Variants in WNT11 observed in about 807,000 individuals in gnomAD.
WNT11 encodes the protein Wnt family member 11.
In WNT11, 20 loss-of-function variants were observed where a neutral mutation model predicts 35.6. The observed-to-expected ratio is 0.56, with a 90% CI of 0.40 to 0.82. The LOEUF is 0.82. Among genes scored for constraint, WNT11 ranks in the 40% least tolerant of loss-of-function variants. The probability of loss-of-function intolerance (pLI) is 0.00; values close to 1 mark genes in which losing one functional copy is unlikely to be tolerated. For synonymous variants in WNT11, 200 were observed against 211.9 expected (o/e 0.94, Z 0.49); for missense variants, 459 against 504.4 (o/e 0.91, Z 0.86).
intron 1 of WNT11, among the ~76,000 whole-genome samples, chr11:76,206,051 C>G (rs1953466879): frequency 2.0e-5 from 3 of 152,234 alleles, no homozygotes; most frequent in Admixed American, 6.5e-5. Flanking sequence ...CGGAGGTGGC[C>G]AGAAACTCCG....
chr11:76,191,895 C>T (rs1242676086), intron 3 of WNT11, 39 bp from the exon 4 acceptor site: 3 of 1,571,234 alleles, frequency 1.9e-6, no homozygotes, highest in South Asian at 2.3e-5. Flanking sequence ...TGGCCAGAGT[C>T]CCCTCCCTGG....
chr11:76,200,393 CCA>C (rs1953356533), intron 1 of WNT11, among the ~76,000 whole-genome samples: 1 of 152,214 alleles, frequency 6.6e-6, no homozygotes, highest in South Asian at 2.1e-4. Flanking sequence ...TGGGCTCTGA[CCA>C]CACAGAGGCA....
At chr11:76,207,258 G>T (rs1304693330), upstream of WNT11, among the ~76,000 whole-genome samples, 1 of 152,206 alleles carries the variant, frequency 6.6e-6, no homozygotes, top group East Asian at 1.9e-4. Flanking sequence ...AGCTACTCGG[G>T]AGGCTGAGGC....
upstream of WNT11, chr11:76,210,687 T>C (rs1953559848): frequency 3.0e-6 from 3 of 984,618 alleles, no homozygotes; most frequent in Non-Finnish European, 1.2e-6. Context: ...CTCCGGCTGC[T>C]CTCTGCTGCG....
At chr11:76,187,869 A>G (rs993343446) in intron 4 of WNT11, among the ~76,000 whole-genome samples, 2 of 151,170 alleles carry the variant, frequency 1.3e-5, no homozygotes, top group Non-Finnish European at 3.0e-5. Context: ...TAATAAGCCT[A>G]TCTTTATGTG....
At chr11:76,200,714 G>A (rs865871639) in intron 1 of WNT11, among the ~76,000 whole-genome samples, 2 of 152,224 alleles carry the variant, frequency 1.3e-5, no homozygotes, top group Admixed American at 6.5e-5. Context: ...TGCTCTGAGC[G>A]GTCCCCACCC....
Position 76,188,351 on chromosome 11 carries a change from G to T in WNT11, c.891-1112C>A, listed in dbSNP as rs369728363. 1.4e-4 allele frequency among the ~76,000 whole-genome samples: 22 copies of T among 152,386 alleles called. No homozygotes were observed. The East Asian group carries it at 3.5e-3, about 24-fold the overall frequency. On this transcript the variant is annotated intron_variant, in intron 4 of 4. Transcript: ENST00000322563. ...CTGACTTGCTCTCCCTACCCTAAAG[G>T]GTGGGGCATGGGAGCCAGCAGGGGC... is the stretch of plus-strand genomic sequence containing the variant.
chr11:76,197,934 T>C (rs1953314556), intron 1 of WNT11, among the ~76,000 whole-genome samples: 1 of 151,982 alleles, frequency 6.6e-6, no homozygotes, highest in African/African-American at 2.4e-5. Context: ...GAACCCAGAG[T>C]CAGCTGGCCT....
chr11:76,194,577 A>C lies in WNT11; in HGVS notation c.587T>G (p.Val196Gly). Residue 196 changes from valine (V) to glycine (G), a missense_variant, in exon 3 of 5, where the codon GTG becomes GGG. Coordinates refer to ENST00000322563, the MANE Select transcript of WNT11 (RefSeq NM_004626.3). This position sits in a 1 kb window ranked among gnomAD's most constrained non-coding sequence, Gnocchi z 5.4. ...NKLMRLHNSE[V>G]GRQALRASLE... ...GGGGTGGGTGGTTACCTGTCTCCCC[A>C]CTTCACTGTTGTGTAGACGCATCAG... 1 of 1,545,960 alleles carries C rather than the reference A, an allele frequency of 6.5e-7. No homozygotes were observed. Among genetic ancestry groups the C allele is most frequent in the African/African-American group, 1.4e-5 (1 of 72,912 alleles).
At chr11:76,192,622 T>C (rs191538350) in intron 3 of WNT11, among the ~76,000 whole-genome samples, 46 of 152,380 alleles carry the variant, frequency 3.0e-4, no homozygotes, top group African/African-American at 1.1e-3. Context: ...TAAATCAATA[T>C]TGGTTTTGAA....
At chr11:76,192,410 G>A (rs1953199705) in intron 3 of WNT11, among the ~76,000 whole-genome samples, 2 of 152,360 alleles carry the variant, frequency 1.3e-5, no homozygotes, top group South Asian at 2.1e-4. Flanking sequence ...GCAGGGGTAA[G>A]TGCAGGGGGC....
intron 4 of WNT11, 81 bp from the exon 5 acceptor site, chr11:76,187,320 C>G: frequency 1.4e-6 from 2 of 1,381,932 alleles, no homozygotes; most frequent in Non-Finnish European, 1.9e-6. Flanking sequence ...GCCAGGCAGC[C>G]GGCAGCGTCT....
upstream of WNT11, among the ~76,000 whole-genome samples, chr11:76,210,160 G>A (rs1953542727): frequency 6.6e-6 from 1 of 151,838 alleles, no homozygotes; most frequent in Non-Finnish European, 1.5e-5. Context: ...GTCGCCTGGG[G>A]TGCGGGGGCA....
intron 1 of WNT11, among the ~76,000 whole-genome samples, chr11:76,198,516 G>A (rs1953322619): frequency 6.6e-6 from 1 of 152,178 alleles, no homozygotes; most frequent in Non-Finnish European, 1.5e-5. Context: ...TTGCCACCAT[G>A]CCTTTGCCCA....
In WNT11 at chr11:76,194,911, C is replaced by T; in HGVS notation, c.320-67G>A. Reference sequence around the variant, plus strand: ...CTAGGACCCTGCCCAGGTCAGAGGTCCTCCACCTTCGCCCACACCCTGCTG... The same window carrying T: ...CTAGGACCCTGCCCAGGTCAGAGGTTCTCCACCTTCGCCCACACCCTGCTG... On this transcript the variant is annotated intron_variant, in intron 2 of 4. Transcript: ENST00000322563. The surrounding 1 kb of genome is among the most constrained non-coding windows in gnomAD (Gnocchi z 5.4). 7.0e-7 allele frequency: 1 copy of T among 1,433,096 alleles called. No homozygotes were observed. The highest frequency in any genetic ancestry group is 1.5e-5 in the South Asian group (1 of 68,072). 88.8% of individuals were successfully genotyped at this position (1,433,096 alleles called of 1,614,324 possible).
intron 1 of WNT11, among the ~76,000 whole-genome samples, chr11:76,202,808 G>A (rs1248820331): frequency 6.6e-6 from 1 of 152,200 alleles, no homozygotes. Context: ...CCAGAGTGAA[G>A]AGGGACTAGT....
chr11:76,194,633 C>G lies in WNT11; in HGVS notation c.531G>C (p.Lys177Asn). 6.4e-7 allele frequency: 1 copy of G among 1,550,606 alleles called. No individual in the cohort carries two copies. The highest frequency in any genetic ancestry group is 1.2e-5 in the South Asian group (1 of 84,012). ...MGAKFSDAPM[K>N]VKKTGSQANK... ...TGGCTTGGGATCCTGTTTTTTTCAC[C>G]TTCATAGGAGCATCGGAAAACTTGG... is the stretch of plus-strand genomic sequence containing the variant. Residue 177 changes from lysine to asparagine, a missense_variant, in exon 3 of 5, where the codon AAG (lysine) becomes AAC (asparagine). By Grantham distance (94) the Lys-to-Asn change is moderately conservative (BLOSUM62 0). Transcript: ENST00000322563. The surrounding 1 kb of genome is among the most constrained non-coding windows in gnomAD (Gnocchi z 5.4).
At chr11:76,191,217 C>T (rs1282926522) in intron 4 of WNT11, among the ~76,000 whole-genome samples, 2 of 152,292 alleles carry the variant, frequency 1.3e-5, no homozygotes, top group African/African-American at 4.8e-5. Context: ...TTTCTGAGCA[C>T]CTATCTTACG....
intron 1 of WNT11, among the ~76,000 whole-genome samples, chr11:76,202,430 C>A (rs1041037526): frequency 2.6e-5 from 4 of 152,158 alleles, no homozygotes; most frequent in African/African-American, 9.7e-5. Flanking sequence ...AGACCTTTGT[C>A]CCTCCTTTCC....
Sources: allele counts gnomAD v4.1 joint callset (sites outside exome capture counted in the v4.1 genomes callset), GRCh38; gene constraint gnomAD v4.1.1; non-coding constraint Gnocchi (gnomAD v3.1); transcripts MANE v1.5; gene names NCBI Gene and HGNC (gene_info 2026-07-23, HGNC 2026-07-21).